Variants in MSI2 observed in about 807,000 individuals in gnomAD.
MSI2 encodes musashi RNA binding protein 2, also known as RNA-binding protein Musashi homolog 2.
A neutral mutation model predicts 45.6 loss-of-function variants in MSI2; 17 were observed. The observed-to-expected ratio is 0.37, with a 90% CI of 0.26 to 0.56. The LOEUF (loss-of-function observed/expected upper bound fraction) is 0.56, where lower values mean the gene tolerates loss of function less well. Ranked by LOEUF, MSI2 falls within the 20% of genes least tolerant of loss-of-function variation. The probability of loss-of-function intolerance (pLI) is 0.77; values close to 1 mark genes in which losing one functional copy is unlikely to be tolerated. For synonymous variants in MSI2, 156 were observed against 158.2 expected (o/e 0.99, Z 0.11); for missense variants, 293 against 444.2 (o/e 0.66, Z 3.06).
intron 5 of MSI2, among the ~76,000 whole-genome samples, chr17:57,304,439 T>A (rs567997116): frequency 7.6e-4 from 115 of 151,082 alleles, no homozygotes; most frequent in African/African-American, 2.7e-3. Flanking sequence ...TTTTTTCCTT[T>A]TGAGACCGAG....
chr17:57,306,615 C>T (rs1313455432), intron 5 of MSI2, among the ~76,000 whole-genome samples: 2 of 152,226 alleles, frequency 1.3e-5, no homozygotes, highest in Non-Finnish European at 2.9e-5. Flanking sequence ...CCTGTCACCC[C>T]TCCTGTTCCC....
chr17:57,652,136 G>A lies in MSI2; in HGVS notation c.765G>A (p.Ala255=), dbSNP rs199901231. The stretch of plus-strand genomic sequence containing the variant: ...CGGCTTATGGACCAGTGGCAGCAGC[G>A]GCGGTGGCGGCAGCAAGAGGATCAG... ...PAAAYGPVAA[A]AVAAARGSGS... Residue 255 remains alanine, a synonymous_variant, in exon 11 of 14, where the codon GCG becomes GCA. Coordinates refer to ENST00000284073, the MANE Select transcript of MSI2 (RefSeq NM_138962.4). The surrounding 1 kb of genome is among the most constrained non-coding windows in gnomAD (Gnocchi z 4.1). The A allele has an allele frequency of 8.8e-3, 14,138 of 1,614,068 alleles. 95 individuals are homozygous for A. Among genetic ancestry groups the A allele is most frequent in the South Asian group, 0.011 (1,003 of 91,064 alleles).
intron 11 of MSI2, among the ~76,000 whole-genome samples, chr17:57,654,909 G>A (rs955555420): frequency 2.4e-5 from 3 of 124,930 alleles, no homozygotes; most frequent in African/African-American, 9.5e-5. Context: ...TAGCTCCAAC[G>A]TTTGGGTTTT....
chr17:57,694,862 A>G, the MSI2 span, among the ~76,000 whole-genome samples: 1 of 152,244 alleles, frequency 6.6e-6, no homozygotes, highest in African/African-American at 2.4e-5. Flanking sequence ...ACCAATGTGT[A>G]CATCCTCAGG....
intron 11 of MSI2, among the ~76,000 whole-genome samples, chr17:57,666,351 G>A (rs1567967614): frequency 6.6e-6 from 1 of 152,140 alleles, no homozygotes; most frequent in Admixed American, 6.5e-5. Flanking sequence ...CAAGATGTTC[G>A]GAGCATGAAA....
intron 6 of MSI2, among the ~76,000 whole-genome samples, chr17:57,511,601 C>T (rs753262913): frequency 1.1e-4 from 17 of 151,802 alleles, no homozygotes; most frequent in East Asian, 5.8e-4. Flanking sequence ...TGTTGTTTCC[C>T]GGGGTTGATG....
At position 57,492,022 on chromosome 17, in the gene MSI2, A is replaced by G. The variant is rs56931695; in HGVS notation, c.406-37654A>G. On this transcript the variant is annotated intron_variant, in intron 6 of 13. Transcript: ENST00000284073. Reference sequence around the variant, plus strand: ...AATCAGTTGCGATTAAAGCTTTTCTATCTTTCTTTTTTTGTTTAAAAGAAA... The same window carrying G: ...AATCAGTTGCGATTAAAGCTTTTCTGTCTTTCTTTTTTTGTTTAAAAGAAA... 8.1e-3 allele frequency among the ~76,000 whole-genome samples: 1,238 copies of G among 152,330 alleles called. 14 individuals are homozygous for G. The highest frequency in any genetic ancestry group is 0.029 in the African/African-American group (1,189 of 41,582).
chr17:57,646,296 TATC>T (rs908974635), intron 10 of MSI2, among the ~76,000 whole-genome samples: 1 of 152,232 alleles, frequency 6.6e-6, no homozygotes, highest in Non-Finnish European at 1.5e-5. Context: ...TGTGGTATCA[TATC>T]ATCCTCAAAT....
At chr17:57,526,313 T>C (rs2086694415) in intron 6 of MSI2, among the ~76,000 whole-genome samples, 1 of 151,774 alleles carries the variant, frequency 6.6e-6, no homozygotes, top group African/African-American at 2.4e-5. Flanking sequence ...GCCTGGCCTG[T>C]GTGTTCATGT....
chr17:57,569,381 T>A (rs1229145343), intron 7 of MSI2, among the ~76,000 whole-genome samples: 2 of 151,858 alleles, frequency 1.3e-5, no homozygotes, highest in East Asian at 3.9e-4. Context: ...CAGCCTGGAG[T>A]TTTGCGGGCA....
intron 5 of MSI2, among the ~76,000 whole-genome samples, chr17:57,361,379 T>C (rs1916798696): frequency 6.6e-6 from 1 of 151,904 alleles, no homozygotes; most frequent in Non-Finnish European, 1.5e-5. Flanking sequence ...GGCGGGCAGA[T>C]GGACTGAGCT....
At position 57,433,709 on chromosome 17, in the gene MSI2, C is replaced by T. The variant is rs1055634129; in HGVS notation, c.405+32238C>T. On this transcript the variant is annotated intron_variant, in intron 6 of 13. Coordinates refer to ENST00000284073, the MANE Select transcript of MSI2 (RefSeq NM_138962.4). ...CCTGGCCTCCCAGACTTCCCTAATG[C>T]GGACCCTCGCTTTGTTAATGGGTGA... Among the ~76,000 whole-genome samples the T allele has an allele frequency of 4.6e-5, 7 of 152,298 alleles. No individual in the cohort carries two copies. In the South Asian group the frequency reaches 1.0e-3, roughly 23 times the overall value.
intron 5 of MSI2, among the ~76,000 whole-genome samples, chr17:57,271,883 A>G (rs1333564641): frequency 6.6e-6 from 1 of 151,824 alleles, no homozygotes. Flanking sequence ...GAGGCGCTAT[A>G]AAAGTTTTTT....
At chr17:57,489,713 A>G (rs931745468) in intron 6 of MSI2, among the ~76,000 whole-genome samples, 1 of 152,192 alleles carries the variant, frequency 6.6e-6, no homozygotes, top group Non-Finnish European at 1.5e-5. Context: ...ATTTATCAGT[A>G]GCAGCATCCA....
At chr17:57,391,087 G>C (rs1297727077) in intron 5 of MSI2, among the ~76,000 whole-genome samples, 2 of 152,208 alleles carry the variant, frequency 1.3e-5, no homozygotes, top group Non-Finnish European at 2.9e-5. Context: ...CAATTTGGGA[G>C]CTCTGAGCTT....
chr17:57,257,913 A>G (rs12943166), intron 3 of MSI2, among the ~76,000 whole-genome samples: 9,119 of 151,946 alleles, frequency 0.06, 362 homozygotes, highest in South Asian at 0.13. Flanking sequence ...GATCCCTCTT[A>G]GAAAGATGGT....
chr17:57,419,404 C>G (rs2084355231), intron 6 of MSI2, among the ~76,000 whole-genome samples: 1 of 151,570 alleles, frequency 6.6e-6, no homozygotes, highest in South Asian at 2.1e-4. Context: ...ACTCTGTCAC[C>G]CAGGCTGGAG....
chr17:57,368,392 C>T (rs900025602), intron 5 of MSI2, among the ~76,000 whole-genome samples: 5 of 151,950 alleles, frequency 3.3e-5, no homozygotes, highest in Non-Finnish European at 4.4e-5. Context: ...ACCGTCTCTA[C>T]TAAAAATACA....
At chr17:57,340,185 A>C (rs1173149716) in intron 5 of MSI2, among the ~76,000 whole-genome samples, 3 of 152,196 alleles carry the variant, frequency 2.0e-5, no homozygotes, top group Non-Finnish European at 2.9e-5. Context: ...TTCTTACCTT[A>C]CTAGGCTTCA....
Sources: gnomAD v4.1 joint callset for allele counts (sites outside exome capture counted in the v4.1 genomes callset) on GRCh38, gnomAD v4.1.1 for gene constraint, Gnocchi (gnomAD v3.1) non-coding constraint, MANE v1.5 for transcripts, NCBI Gene and HGNC (gene_info 2026-07-23, HGNC 2026-07-21) for gene names.